Variants in IQGAP1 observed in about 807,000 individuals in gnomAD.
IQGAP1 encodes IQ motif containing GTPase activating protein 1, also known as ras GTPase-activating-like protein IQGAP1.
In IQGAP1, 66 loss-of-function variants were observed where a neutral mutation model predicts 215.6. The observed-to-expected ratio is 0.31, with a 90% CI of 0.25 to 0.38. The LOEUF is 0.38. Among genes scored for constraint, IQGAP1 ranks in the 10% least tolerant of loss-of-function variants. The probability of loss-of-function intolerance (pLI) is 1.00; values close to 1 mark genes in which losing one functional copy is unlikely to be tolerated. For synonymous variants in IQGAP1, 772 were observed against 728.7 expected, an observed-to-expected ratio of 1.06 and a Z score of -0.96; for missense variants, 1,712 against 1,997.1, an observed-to-expected ratio of 0.86 and a Z score of 2.72.
intron 25 of IQGAP1, among the ~76,000 whole-genome samples, chr15:90,477,464 G>T (rs1965995573): frequency 1.3e-5 from 2 of 151,702 alleles, no homozygotes; most frequent in South Asian, 4.2e-4. Flanking sequence ...AAAGTAATCT[G>T]AACAGAAAGA....
intron 1 of IQGAP1, among the ~76,000 whole-genome samples, chr15:90,388,627 G>C (rs891238891): frequency 6.6e-6 from 1 of 152,112 alleles, no homozygotes; most frequent in Non-Finnish European, 1.5e-5. Flanking sequence ...GCCTTAGCTG[G>C]GGCCGCGGTA....
chr15:90,456,611 G>A (rs555516399), intron 15 of IQGAP1, among the ~76,000 whole-genome samples: 74 of 151,388 alleles, frequency 4.9e-4, no homozygotes, highest in South Asian at 8.3e-4. Context: ...AGTGGCTCAC[G>A]CCTTGTAATC....
At chr15:90,411,267 CTTTCT>C (rs201984335) in intron 2 of IQGAP1, among the ~76,000 whole-genome samples, 14 of 151,782 alleles carry the variant, frequency 9.2e-5, no homozygotes, top group African/African-American at 1.5e-4. Flanking sequence ...TTCTTTCTTT[CTTTCT>C]TTTCTTTTCT....
At chr15:90,414,865 C>G (rs771040840) in intron 2 of IQGAP1, among the ~76,000 whole-genome samples, 1 of 152,170 alleles carries the variant, frequency 6.6e-6, no homozygotes, top group Non-Finnish European at 1.5e-5. Flanking sequence ...CCGTGAATTG[C>G]TCATCCTCTC....
chr15:90,474,220 C>T (rs979485840), intron 22 of IQGAP1, 87 bp downstream of exon 22: 4 of 1,224,552 alleles, frequency 3.3e-6, no homozygotes, highest in Non-Finnish European at 4.6e-6. Flanking sequence ...CTTTTGTTAT[C>T]CTGAAGGCAA....
At position 90,424,891 on chromosome 15, in the gene IQGAP1, G is replaced by C. The variant is rs192696927; in HGVS notation, c.156-1219G>C. ...TTTAAATTAGGAGTTTTAAATCTAGGGTTCCTAGAGTCAATGAAGTCTCTG... is the reference window on the plus strand; with the variant it reads ...TTTAAATTAGGAGTTTTAAATCTAGCGTTCCTAGAGTCAATGAAGTCTCTG... On this transcript the variant is annotated intron_variant, in intron 2 of 37. Coordinates refer to ENST00000268182, the MANE Select transcript of IQGAP1 (RefSeq NM_003870.4). 5.6e-3 allele frequency among the ~76,000 whole-genome samples: 858 copies of C among 151,916 alleles called. 7 individuals carry two copies. The highest frequency in any genetic ancestry group is 0.02 in the African/African-American group (823 of 41,402).
chr15:90,463,294 C>A (rs937228942), intron 15 of IQGAP1, among the ~76,000 whole-genome samples: 6 of 152,182 alleles, frequency 3.9e-5, no homozygotes, highest in African/African-American at 7.2e-5. Context: ...TTTCTCAATG[C>A]AAGGGAGGTT....
chr15:90,484,191 T>TG, intron 29 of IQGAP1, 29 bp from the exon 30 acceptor site: 2 of 1,607,502 alleles, frequency 1.2e-6, no homozygotes, highest in Non-Finnish European at 1.7e-6. Flanking sequence ...TGTCCCTTTT[T>TG]GGGGGGCTGC....
At position 90,426,036 on chromosome 15, in the gene IQGAP1, A is replaced by G. The variant is rs995319186; in HGVS notation, c.156-74A>G. 7.7e-6 allele frequency: 11 copies of G among 1,432,074 alleles called. No individual in the cohort carries two copies. In the African/African-American group the frequency reaches 1.2e-4, roughly 15 times the overall value. 88.7% of individuals were successfully genotyped at this position (1,432,074 alleles called of 1,614,324 possible). On this transcript the variant is annotated intron_variant, in intron 2 of 37. Coordinates refer to ENST00000268182, the MANE Select transcript of IQGAP1 (RefSeq NM_003870.4). Reference sequence around the variant, plus strand: ...TTAAGCTTCTCCAAGGAGAATGGAAATAAAGCTTAAAATCTCTAAGGAAAA... The same window carrying G: ...TTAAGCTTCTCCAAGGAGAATGGAAGTAAAGCTTAAAATCTCTAAGGAAAA...
Position 90,473,068 on chromosome 15 carries a change from C to T in IQGAP1, c.2349+58C>T, listed in dbSNP as rs867922594. 58 of 1,504,262 alleles carry T rather than the reference C, an allele frequency of 3.9e-5. No homozygotes were observed. The Middle Eastern group carries it at 5.2e-4, about 13-fold the overall frequency. 93.2% of individuals were successfully genotyped at this position (1,504,262 alleles called of 1,614,324 possible). On this transcript the variant is annotated intron_variant, in intron 19 of 37. Transcript: ENST00000268182. ...GGGCATCTAGAGCAGGGGTAATAAA[C>T]GGTCAGCTGTCACCATTGACTGTCT...
At chr15:90,493,794 G>A (rs972774780) in intron 35 of IQGAP1, among the ~76,000 whole-genome samples, 7 of 152,200 alleles carry the variant, frequency 4.6e-5, no homozygotes, top group African/African-American at 1.7e-4. Flanking sequence ...AGCTTTTGAT[G>A]TGTTTTCATT....
chr15:90,440,847 G>A (rs1046023348), intron 7 of IQGAP1, among the ~76,000 whole-genome samples: 1 of 152,166 alleles, frequency 6.6e-6, no homozygotes, highest in Admixed American at 6.5e-5. Flanking sequence ...GGTGGCTCAC[G>A]CCTGTAATCC....
At chr15:90,426,682 C>T (rs896336144) in intron 3 of IQGAP1, among the ~76,000 whole-genome samples, 4 of 152,046 alleles carry the variant, frequency 2.6e-5, no homozygotes, top group South Asian at 2.1e-4. Context: ...GGGCCGGGCG[C>T]GGTGGCTCAC....
intron 2 of IQGAP1, among the ~76,000 whole-genome samples, chr15:90,419,455 T>C (rs1965102403): frequency 1.3e-5 from 2 of 152,188 alleles, no homozygotes; most frequent in South Asian, 4.1e-4. Context: ...TTTTTAAAAA[T>C]TTTGCATTTG....
At position 90,402,118 on chromosome 15, in the gene IQGAP1, C is replaced by T. The variant is rs201202762; in HGVS notation, c.155+11245C>T. ...TCAGTGAGGGAACTCCATCAATTTC[C>T]TGCCACTTATTTTGGAGTCTCTTCC... On this transcript the variant is annotated intron_variant, in intron 2 of 37. Coordinates refer to ENST00000268182, the MANE Select transcript of IQGAP1 (RefSeq NM_003870.4). Among the ~76,000 whole-genome samples the T allele has an allele frequency of 2.6e-5, 4 of 152,188 alleles. No individual in the cohort carries two copies. In the East Asian group the frequency reaches 7.7e-4, roughly 29 times the overall value.
chr15:90,394,322 TTTG>T (rs758068203), intron 2 of IQGAP1, among the ~76,000 whole-genome samples: 28 of 151,998 alleles, frequency 1.8e-4, no homozygotes, highest in Non-Finnish European at 3.4e-4. Flanking sequence ...TGTGGTGATT[TTTG>T]TTGTTGTTTA....
At chr15:90,489,143 T>C (rs79502481) in intron 33 of IQGAP1, among the ~76,000 whole-genome samples, 1 of 118,476 alleles carries the variant, frequency 8.4e-6, no homozygotes, top group Non-Finnish European at 1.7e-5. Flanking sequence ...TTTTTTTTTT[T>C]AATTTGAGAC....
Position 90,388,383 on chromosome 15 carries a change from G to T in IQGAP1, c.42G>T (p.Arg14=). The part of the protein sequence containing the change: ...ADEVDGLGVA[R]PHYGSVLDNE... ...AGGTTGACGGGCTGGGCGTGGCCCGGCCGCACTATGGCTGTGAGTGCGGGG... is the reference window on the plus strand; with the variant it reads ...AGGTTGACGGGCTGGGCGTGGCCCGTCCGCACTATGGCTGTGAGTGCGGGG... Residue 14 remains arginine, a synonymous_variant, in exon 1 of 38, where the codon CGG becomes CGT. Transcript: ENST00000268182. 6.3e-7 allele frequency: 1 copy of T among 1,589,990 alleles called. No individual in the cohort carries two copies.
chr15:90,471,129 C>T (rs1435835879), intron 18 of IQGAP1, among the ~76,000 whole-genome samples: 2 of 152,088 alleles, frequency 1.3e-5, no homozygotes, highest in African/African-American at 4.8e-5. Context: ...ACACCTCAAA[C>T]ACAGTTTAAC....
Sources: gnomAD v4.1 joint callset for allele counts (sites outside exome capture counted in the v4.1 genomes callset) on GRCh38, gnomAD v4.1.1 for gene constraint, MANE v1.5 for transcripts, NCBI Gene and HGNC (gene_info 2026-07-23, HGNC 2026-07-21) for gene names.